PTPRE: variants seen among roughly 807,000 people sequenced by gnomAD.
PTPRE encodes the protein protein tyrosine phosphatase receptor type E.
PTPRE carries 51 observed loss-of-function variants against 102.0 expected under a neutral mutation model. That is an observed-to-expected ratio of 0.50 (90% CI 0.40 to 0.63). The LOEUF (loss-of-function observed/expected upper bound fraction) is 0.63, where lower values mean the gene tolerates loss of function less well. PTPRE is among the 30% of genes least tolerant of loss of function. PTPRE has a pLI of 0.00. For synonymous variants in PTPRE, 345 were observed against 348.2 expected (o/e 0.99, Z 0.10); for missense variants, 752 against 915.1 (o/e 0.82, Z 2.30).
At chr10:128,052,208 T>C (rs974942957) in intron 6 of PTPRE, among the ~76,000 whole-genome samples, 1 of 152,170 alleles carries the variant, frequency 6.6e-6, no homozygotes, top group Admixed American at 6.5e-5. Flanking sequence ...AGGGACATGC[T>C]CCCAACCCCA....
At chr10:127,969,943 T>C (rs1234554733) in intron 1 of PTPRE, among the ~76,000 whole-genome samples, 4 of 152,230 alleles carry the variant, frequency 2.6e-5, no homozygotes, top group Non-Finnish European at 5.9e-5. Flanking sequence ...TCAGAAACTC[T>C]GGTGCTGGGG....
intron 1 of PTPRE, among the ~76,000 whole-genome samples, chr10:127,911,772 GGA>G (rs1306847030): frequency 1.3e-5 from 2 of 152,208 alleles, no homozygotes; most frequent in African/African-American, 4.8e-5. Context: ...GAGAGAGTGA[GGA>G]GAGGCCCGTG....
intron 1 of PTPRE, among the ~76,000 whole-genome samples, chr10:127,908,417 C>G (rs1589703330): frequency 6.6e-6 from 1 of 150,392 alleles, no homozygotes; most frequent in African/African-American, 2.4e-5. Context: ...CGACTCTTGT[C>G]CATTTAAACT....
chr10:128,025,646 A>T (rs999275639), intron 2 of PTPRE, among the ~76,000 whole-genome samples: 1 of 152,036 alleles, frequency 6.6e-6, no homozygotes, highest in Non-Finnish European at 1.5e-5. Flanking sequence ...GCCATTCTTC[A>T]TCCCCCCAGG....
intron 1 of PTPRE, among the ~76,000 whole-genome samples, chr10:127,959,846 G>T (rs191433282): frequency 1.1e-3 from 173 of 152,304 alleles, no homozygotes; most frequent in African/African-American, 4.0e-3. Context: ...GAGGGTCCAT[G>T]AGATATTATG....
intron 1 of PTPRE, among the ~76,000 whole-genome samples, chr10:127,927,189 AC>A (rs368903348): frequency 0.028 from 4,175 of 151,032 alleles, 65 homozygotes; most frequent in Non-Finnish European, 0.04. Flanking sequence ...GATGCCCCCC[AC>A]CCCCCCGGGG....
intron 2 of PTPRE, among the ~76,000 whole-genome samples, chr10:128,000,903 G>C (rs375515116): frequency 6.6e-6 from 1 of 152,142 alleles, no homozygotes; most frequent in Non-Finnish European, 1.5e-5. Flanking sequence ...GTAGGTGACC[G>C]TGCCCTTGGA....
rs1244235830 is a variant in PTPRE at position 128,068,153 on chromosome 10, C to T, written c.874C>T (p.Leu292=). The change falls in exon 12 of 21, where the codon CTG becomes TTG. Residue 292 remains leucine (L), a synonymous_variant. Transcript: ENST00000254667. ...QLPDGCKAPR[L]VSQLHFTSWP... ...CCCCGACGGCTGCAAAGCCCCCAGG[C>T]TGGTCTCACAGCTGCACTTCACCAG... 1.9e-6 allele frequency: 3 copies of T among 1,613,826 alleles called. No individual in the cohort carries two copies. Among genetic ancestry groups the T allele is most frequent in the African/African-American group, 1.3e-5 (1 of 74,938 alleles).
intron 1 of PTPRE, among the ~76,000 whole-genome samples, chr10:127,978,046 C>T (rs190677307): frequency 8.5e-5 from 13 of 152,260 alleles, no homozygotes; most frequent in East Asian, 5.8e-4. Flanking sequence ...ATGGCCATCC[C>T]GGGGCTTTCC....
At chr10:128,009,401 G>A (rs1407155218) in intron 2 of PTPRE, among the ~76,000 whole-genome samples, 1 of 152,204 alleles carries the variant, frequency 6.6e-6, no homozygotes, top group African/African-American at 2.4e-5. Context: ...GTTTTCTTGT[G>A]TTCGTGAACA....
chr10:127,998,403 A>T (rs1297138573), intron 2 of PTPRE: 1 of 152,132 alleles, frequency 6.6e-6, no homozygotes, highest in Non-Finnish European at 1.5e-5. Context: ...CGCAGAACAC[A>T]TCTCTGGGAA....
chr10:127,928,116 T>G (rs769268474), intron 1 of PTPRE, among the ~76,000 whole-genome samples: 2 of 152,212 alleles, frequency 1.3e-5, no homozygotes, highest in Non-Finnish European at 2.9e-5. Flanking sequence ...CCGTCAGATT[T>G]ATAGTTAAAG....
chr10:128,010,807 G>A (rs1160271845), intron 2 of PTPRE, among the ~76,000 whole-genome samples: 1 of 152,086 alleles, frequency 6.6e-6, no homozygotes, highest in Admixed American at 6.6e-5. Flanking sequence ...TAGCCAGGAT[G>A]GTCTTGATCT....
chr10:128,001,510 G>A (rs1215752273), intron 2 of PTPRE, among the ~76,000 whole-genome samples: 1 of 152,196 alleles, frequency 6.6e-6, no homozygotes, highest in Middle Eastern at 3.4e-3. Flanking sequence ...TTGCTTCTTC[G>A]GGGCTGTTCA....
At chr10:128,076,757 T>A in intron 18 of PTPRE, 29 bp downstream of exon 18, 1 of 1,609,118 alleles carries the variant, frequency 6.2e-7, no homozygotes, top group Non-Finnish European at 8.5e-7. Context: ...TTTAAACGCT[T>A]GTGAATTTAG....
intron 1 of PTPRE, among the ~76,000 whole-genome samples, chr10:127,966,532 A>T (rs754839862): frequency 2.6e-5 from 4 of 152,216 alleles, no homozygotes; most frequent in African/African-American, 9.6e-5. Flanking sequence ...ATGCAGCCAT[A>T]GGGTGACCAG....
At chr10:127,996,102 T>C (rs1056713169) in intron 2 of PTPRE, among the ~76,000 whole-genome samples, 2 of 152,198 alleles carry the variant, frequency 1.3e-5, no homozygotes, top group Non-Finnish European at 2.9e-5. Context: ...TGATGTTGAG[T>C]CCTCTGTGTT....
chr10:127,983,924 G>A (rs544494147), intron 2 of PTPRE, among the ~76,000 whole-genome samples: 1 of 152,252 alleles, frequency 6.6e-6, no homozygotes, highest in Admixed American at 6.5e-5. Context: ...AGATTCAGAA[G>A]TAGGTGCCCC....
chr10:127,912,693 A>T (rs985078148), intron 1 of PTPRE, among the ~76,000 whole-genome samples: 1 of 152,258 alleles, frequency 6.6e-6, no homozygotes, highest in Non-Finnish European at 1.5e-5. Flanking sequence ...AAGGGCTAGC[A>T]TGGGAACAAT....
Sources: allele counts gnomAD v4.1 joint callset (sites outside exome capture counted in the v4.1 genomes callset), GRCh38; gene constraint gnomAD v4.1.1; transcripts MANE v1.5; gene names NCBI Gene and HGNC (gene_info 2026-07-23, HGNC 2026-07-21).